ITPR2: variants seen among roughly 807,000 people sequenced by gnomAD.
ITPR2 encodes the protein inositol 1,4,5-trisphosphate receptor type 2, also known as inositol 1,4,5-trisphosphate-gated calcium channel ITPR2.
Under a neutral mutation model 317.1 loss-of-function variants are expected in ITPR2, and 207 were observed. The ratio of observed to expected loss-of-function variants is 0.65; its 90% CI spans 0.58 to 0.73. The LOEUF is 0.73. Ranked by LOEUF, ITPR2 falls within the 30% of genes least tolerant of loss-of-function variation. The pLI is 0.00. For missense variants in ITPR2, 2,613 were observed against 3,284.0 expected (o/e 0.80, Z 4.99); for synonymous variants, 1,156 against 1,149.1 (o/e 1.01, Z -0.12).
intron 1 of ITPR2, among the ~76,000 whole-genome samples, chr12:26,814,162 G>A (rs888153151): frequency 1.3e-5 from 2 of 152,152 alleles, no homozygotes; most frequent in African/African-American, 2.4e-5. Flanking sequence ...GTAAGGCTGC[G>A]GCAGATAGCA....
At chr12:26,363,632 G>A (rs1443494730) in intron 55 of ITPR2, among the ~76,000 whole-genome samples, 3 of 152,000 alleles carry the variant, frequency 2.0e-5, no homozygotes, top group Non-Finnish European at 2.9e-5. Context: ...TACCATTTTC[G>A]TGATCTGATC....
intron 1 of ITPR2, among the ~76,000 whole-genome samples, chr12:26,826,230 G>GAA (rs74261566): frequency 2.9e-5 from 3 of 102,800 alleles, no homozygotes; most frequent in East Asian, 2.7e-4. Context: ...CAAGCCTCAA[G>GAA]AAAAAAAAAA....
At chr12:26,518,775 T>G (rs938261801) in intron 37 of ITPR2, among the ~76,000 whole-genome samples, 7 of 151,856 alleles carry the variant, frequency 4.6e-5, no homozygotes, top group Non-Finnish European at 7.4e-5. Flanking sequence ...TCTGAGAAAA[T>G]TAACCAGCAG....
chr12:26,811,512 G>A (rs1011460349), intron 1 of ITPR2, among the ~76,000 whole-genome samples: 16 of 151,124 alleles, frequency 1.1e-4, no homozygotes, highest in South Asian at 2.1e-4. Flanking sequence ...TTGGGAGGCC[G>A]AGGCGGGCGG....
chr12:26,710,171 T>C (rs937805669), intron 9 of ITPR2, among the ~76,000 whole-genome samples: 2 of 152,196 alleles, frequency 1.3e-5, no homozygotes, highest in Non-Finnish European at 2.9e-5. Flanking sequence ...GAGGCATAGG[T>C]TGAGTGCATC....
intron 2 of ITPR2, among the ~76,000 whole-genome samples, chr12:26,769,178 A>G (rs975537624): frequency 1.3e-5 from 2 of 152,186 alleles, no homozygotes; most frequent in Non-Finnish European, 2.9e-5. Context: ...AGGGTGAGTC[A>G]ATGGTGCCTT....
chr12:26,454,220 T>G (rs1017677645), intron 45 of ITPR2, among the ~76,000 whole-genome samples: 2 of 152,222 alleles, frequency 1.3e-5, no homozygotes, highest in Non-Finnish European at 1.5e-5. Context: ...TTTGTTTGTT[T>G]TTTGAGACAG....
At chr12:26,751,644 G>A (rs761950895) in intron 2 of ITPR2, among the ~76,000 whole-genome samples, 14 of 152,026 alleles carry the variant, frequency 9.2e-5, no homozygotes, top group African/African-American at 1.4e-4. Flanking sequence ...CTGAGGGGGC[G>A]GATCACAAGG....
chr12:26,345,997 T>C (rs1034474290), intron 55 of ITPR2, among the ~76,000 whole-genome samples: 1 of 152,250 alleles, frequency 6.6e-6, no homozygotes, highest in Non-Finnish European at 1.5e-5. Flanking sequence ...ATCTCCTTAC[T>C]TCACCAGGAA....
chr12:26,659,788 A>G (rs1172387158), intron 15 of ITPR2, among the ~76,000 whole-genome samples: 1 of 152,242 alleles, frequency 6.6e-6, no homozygotes, highest in Non-Finnish European at 1.5e-5. Flanking sequence ...CTGATATTTC[A>G]TTCATGAGAC....
At chr12:26,797,248 G>T (rs1412413471) in intron 1 of ITPR2, among the ~76,000 whole-genome samples, 1 of 152,022 alleles carries the variant, frequency 6.6e-6, no homozygotes, top group Non-Finnish European at 1.5e-5. Context: ...TATATTTTAG[G>T]AATACACATG....
At chr12:26,730,020 C>T (rs1459557066) in intron 2 of ITPR2, among the ~76,000 whole-genome samples, 1 of 151,626 alleles carries the variant, frequency 6.6e-6, no homozygotes, top group Non-Finnish European at 1.5e-5. Context: ...CTGAAATAAA[C>T]CAAAAAAAGA....
chr12:26,553,656 T>G (rs1944585990), intron 36 of ITPR2, among the ~76,000 whole-genome samples: 1 of 152,010 alleles, frequency 6.6e-6, no homozygotes, highest in African/African-American at 2.4e-5. Context: ...TTGGTGGCGG[T>G]TGCCTCTAGT....
chr12:26,626,538 G>A (rs375467284), intron 23 of ITPR2, among the ~76,000 whole-genome samples: 10 of 152,280 alleles, frequency 6.6e-5, no homozygotes, highest in African/African-American at 1.2e-4. Flanking sequence ...CAATGCAACC[G>A]CCAGCAAGAC....
In ITPR2 at chr12:26,702,406, GGT is replaced by G. The variant is rs1555179168; in HGVS notation, c.952-6758_952-6757del. Among the ~76,000 whole-genome samples the G allele has an allele frequency of 8.6e-3, 865 of 100,056 alleles. 26 individuals carry two copies. The highest frequency in any genetic ancestry group is 0.024 in the African/African-American group (555 of 23,344). The allele number at this position is 100,056 out of a possible 152,430, so 65.6% of individuals were successfully genotyped here. ...GTTTGGTTTGGTTTTTGGGGGCGGG[GGT>G]GGGGGGTTGGTGTTTTTTTTTTCTT... On this transcript the variant is annotated intron_variant, in intron 9 of 56. Coordinates refer to ENST00000381340, the MANE Select transcript of ITPR2 (RefSeq NM_002223.4).
intron 2 of ITPR2, among the ~76,000 whole-genome samples, chr12:26,782,031 T>G (rs112126380): frequency 0.05 from 1,035 of 20,524 alleles, 22 homozygotes; most frequent in East Asian, 0.067. Context: ...TATATATATA[T>G]ATGTATAGAG....
intron 45 of ITPR2, among the ~76,000 whole-genome samples, chr12:26,463,503 TAA>T (rs1040112305): frequency 1.3e-5 from 2 of 151,886 alleles, no homozygotes; most frequent in African/African-American, 4.8e-5. Context: ...CCGTCTCTAC[TAA>T]AAACACAAAA....
At chr12:26,522,448 G>C (rs565465113) in intron 37 of ITPR2, among the ~76,000 whole-genome samples, 1 of 152,260 alleles carries the variant, frequency 6.6e-6, no homozygotes, top group African/African-American at 2.4e-5. Context: ...GGTCCAACTT[G>C]GCCCAGTTTG....
chr12:26,720,721 A>C (rs966241014), intron 5 of ITPR2, among the ~76,000 whole-genome samples: 6 of 152,114 alleles, frequency 3.9e-5, no homozygotes, highest in Admixed American at 3.3e-4. Context: ...TACATTGTCC[A>C]TTTTCACCAA....
Sources: gnomAD v4.1 joint callset for allele counts (sites outside exome capture counted in the v4.1 genomes callset) on GRCh38, gnomAD v4.1.1 for gene constraint, MANE v1.5 for transcripts, NCBI Gene and HGNC (gene_info 2026-07-23, HGNC 2026-07-21) for gene names.